The following MUSK variants were observed in gnomAD, a reference collection of about 807,000 sequenced individuals.
MUSK encodes the protein muscle associated receptor tyrosine kinase, also known as muscle, skeletal receptor tyrosine-protein kinase.
MUSK carries 55 observed loss-of-function variants against 88.7 expected under a neutral mutation model. The ratio of observed to expected loss-of-function variants is 0.62; its 90% confidence interval spans 0.50 to 0.78. The LOEUF (loss-of-function observed/expected upper bound fraction) is 0.78, where lower values mean the gene tolerates loss of function less well. Ranked by LOEUF, MUSK falls within the 30% of genes least tolerant of loss-of-function variation. The pLI, the probability that MUSK is intolerant of heterozygous loss-of-function variation, is 0.00. For synonymous variants in MUSK, 387 were observed against 391.9 expected (o/e 0.99, Z 0.15); for missense variants, 1,015 against 1,074.3 (o/e 0.94, Z 0.77).
At chr9:110,710,898 T>C (rs1053790636) in intron 5 of MUSK, among the ~76,000 whole-genome samples, 2 of 152,158 alleles carry the variant, frequency 1.3e-5, no homozygotes, top group Non-Finnish European at 2.9e-5. Context: ...AAGTGAGAAA[T>C]CACTTTAAAA....
At chr9:110,756,358 C>T (rs1277233719) in intron 7 of MUSK, among the ~76,000 whole-genome samples, 1 of 151,872 alleles carries the variant, frequency 6.6e-6, no homozygotes, top group Non-Finnish European at 1.5e-5. Flanking sequence ...CCTGCAATTG[C>T]TTATGACTGG....
At chr9:110,774,093 C>T (rs1014721812) in intron 9 of MUSK, among the ~76,000 whole-genome samples, 1 of 151,994 alleles carries the variant, frequency 6.6e-6, no homozygotes, top group African/African-American at 2.4e-5. Context: ...CTAAGAAACA[C>T]TATTATTTGA....
At chr9:110,722,549 T>A (rs373028336) in intron 5 of MUSK, among the ~76,000 whole-genome samples, 8 of 148,966 alleles carry the variant, frequency 5.4e-5, no homozygotes, top group African/African-American at 7.4e-5. Context: ...AAAAAAAACA[T>A]GGGACTTAAT....
intron 8 of MUSK, among the ~76,000 whole-genome samples, chr9:110,766,160 A>G (rs1194083519): frequency 6.6e-6 from 1 of 152,120 alleles, no homozygotes. Flanking sequence ...CCTTGAGGAA[A>G]AGGCGTTCTG....
intron 5 of MUSK, among the ~76,000 whole-genome samples, chr9:110,733,110 G>A (rs1226184407): frequency 1.3e-5 from 2 of 152,026 alleles, no homozygotes; most frequent in African/African-American, 2.4e-5. Context: ...TGTGCTAATT[G>A]GGGCTTCATA....
chr9:110,715,774 T>C (rs1206810702), intron 5 of MUSK, among the ~76,000 whole-genome samples: 2 of 149,062 alleles, frequency 1.3e-5, no homozygotes, highest in Non-Finnish European at 2.9e-5. Context: ...ATATATGCCA[T>C]GGAATACTAT....
intron 13 of MUSK, among the ~76,000 whole-genome samples, chr9:110,787,414 G>A (rs2077892042): frequency 6.6e-6 from 1 of 151,684 alleles, no homozygotes; most frequent in South Asian, 2.1e-4. Context: ...CCTATTGGGG[G>A]TGTATACTTC....
intron 4 of MUSK, among the ~76,000 whole-genome samples, chr9:110,696,679 C>T (rs902237764): frequency 6.6e-6 from 1 of 151,824 alleles, no homozygotes; most frequent in Admixed American, 6.6e-5. Context: ...TATTTAAACT[C>T]CAAAGAGTAA....
chr9:110,799,899 G>A (rs1308387367), intron 14 of MUSK, among the ~76,000 whole-genome samples: 1 of 152,146 alleles, frequency 6.6e-6, no homozygotes, highest in East Asian at 1.9e-4. Flanking sequence ...CAGAGAAATA[G>A]GGTCAGGGTT....
rs72758670 is a variant in MUSK at position 110,801,916 on chromosome 9, T to C, written c.*928T>C. Among the ~76,000 whole-genome samples, 3,882 of 152,326 alleles carry C rather than the reference T, an allele frequency of 0.025. 84 individuals carry two copies. The highest frequency in any genetic ancestry group is 0.041 in the Middle Eastern group (12 of 294). ...ATAACATTTTAAATACCATTGTAGA[T>C]TGATATGTATATGCCTTTTGCAAAG... On this transcript the variant is annotated 3_prime_UTR_variant, in exon 15 of 15. Coordinates refer to ENST00000374448, the MANE Select transcript of MUSK (RefSeq NM_005592.4).
rs747964862 is a variant in MUSK, at chr9:110,800,883, G to C, written c.2505G>C (p.Met835Ile). The change falls in exon 15 of 15, where the codon ATG becomes ATC. Residue 835 changes from methionine to isoleucine, a missense_variant. Met to Ile is a conservative substitution (Grantham distance 10). Coordinates refer to ENST00000374448, the MANE Select transcript of MUSK (RefSeq NM_005592.4). ...GCCCCGTGGAGCTGTACAATCTCAT[G>C]CGTCTATGTTGGAGCAAGCTGCCTG... The part of the protein sequence containing the change: ...ENCPVELYNL[M>I]RLCWSKLPAD... 3.2e-6 allele frequency: 5 copies of C among 1,578,664 alleles called. No individual in the cohort carries two copies. The highest frequency in any genetic ancestry group is 4.3e-6 in the Non-Finnish European group (5 of 1,161,372).
At chr9:110,683,577 A>G (rs1208150968) in intron 2 of MUSK, among the ~76,000 whole-genome samples, 3 of 152,224 alleles carry the variant, frequency 2.0e-5, no homozygotes, top group Non-Finnish European at 4.4e-5. Context: ...TAGTGGTTGT[A>G]CCAATTTACA....
rs765633500 is a variant in MUSK, at chr9:110,747,627, C to T, written c.754-14C>T. 1 of 1,604,184 alleles carries T rather than the reference C, an allele frequency of 6.2e-7. No homozygotes were observed. Among genetic ancestry groups the T allele is most frequent in the Non-Finnish European group, 8.5e-7 (1 of 1,172,516 alleles). On this transcript the variant is annotated splice_polypyrimidine_tract_variant and intron_variant, in intron 6 of 14. Coordinates refer to ENST00000374448, the MANE Select transcript of MUSK (RefSeq NM_005592.4). ...TCCTTGACTGAGTTCTTTTATTTTCCTTTACTCTGTCAGGTTTCTTCTGGG... is the reference window on the plus strand; with the variant it reads ...TCCTTGACTGAGTTCTTTTATTTTCTTTTACTCTGTCAGGTTTCTTCTGGG...
intron 8 of MUSK, among the ~76,000 whole-genome samples, chr9:110,764,327 A>G (rs1484776078): frequency 6.6e-6 from 1 of 152,192 alleles, no homozygotes; most frequent in Admixed American, 6.5e-5. Context: ...AACAGAAGAC[A>G]CCAATGGAAA....
intron 1 of MUSK, among the ~76,000 whole-genome samples, chr9:110,681,641 T>C (rs1187242080): frequency 6.6e-6 from 1 of 151,892 alleles, no homozygotes; most frequent in Non-Finnish European, 1.5e-5. Context: ...AAAATAACAT[T>C]AGCAAGGGAG....
intron 2 of MUSK, 53 bp from the exon 3 acceptor site, chr9:110,687,064 C>CA (rs1300352680): frequency 4.6e-5 from 72 of 1,568,122 alleles, no homozygotes; most frequent in South Asian, 2.2e-4. Flanking sequence ...TTAATCATGG[C>CA]AAAAAAATCA....
intron 3 of MUSK, among the ~76,000 whole-genome samples, chr9:110,694,144 G>A (rs568629327): frequency 5.3e-5 from 8 of 150,736 alleles, no homozygotes; most frequent in Non-Finnish European, 8.9e-5. Flanking sequence ...AGGCCGAGGC[G>A]GGCAGAACAC....
rs1387460637 is a variant in MUSK at position 110,805,454 on chromosome 9, G to A, written c.*4466G>A. On this transcript the variant is annotated 3_prime_UTR_variant, in exon 15 of 15. Transcript: ENST00000374448. ...CTAATAAAATTGAACATTGTTTAAT[G>A]TTTTGAGGATACTTGATTGGTGATT... Among the ~76,000 whole-genome samples the A allele has an allele frequency of 1.3e-5, 2 of 151,822 alleles. No individual in the cohort carries two copies. Among genetic ancestry groups the A allele is most frequent in the African/African-American group, 2.4e-5 (1 of 41,412 alleles).
At chr9:110,689,534 A>AAATATATAGTT (rs1554735087) in intron 3 of MUSK, among the ~76,000 whole-genome samples, 1 of 102,206 alleles carries the variant, frequency 9.8e-6, no homozygotes, top group African/African-American at 4.4e-5. Flanking sequence ...ACTATATATA[A>AAATATATAGTT]ATATATAGTT....
Sources: gnomAD v4.1 joint callset for allele counts (sites outside exome capture counted in the v4.1 genomes callset) on GRCh38, gnomAD v4.1.1 for gene constraint, MANE v1.5 for transcripts, NCBI Gene and HGNC (gene_info 2026-07-23, HGNC 2026-07-21) for gene names.